TRPC1: variants seen among roughly 807,000 people sequenced by gnomAD.
The protein encoded by TRPC1 is transient receptor potential cation channel subfamily C member 1.
In TRPC1, 42 loss-of-function variants were observed where a neutral mutation model predicts 88.2. The observed-to-expected ratio is 0.48, with a 90% CI of 0.37 to 0.62. The LOEUF (loss-of-function observed/expected upper bound fraction) is 0.62. Among genes scored for constraint, TRPC1 ranks in the 20% least tolerant of loss-of-function variants. The pLI, the probability that TRPC1 is intolerant of heterozygous loss-of-function variation, is 0.00. For synonymous variants in TRPC1, 288 were observed against 331.8 expected (o/e 0.87, Z 1.43); for missense variants, 699 against 957.3 (o/e 0.73, Z 3.56).
chr3:142,799,888 C>T (rs1200793926), intron 9 of TRPC1, among the ~76,000 whole-genome samples: 2 of 152,098 alleles, frequency 1.3e-5, no homozygotes, highest in Non-Finnish European at 2.9e-5. Context: ...ATATTGAACT[C>T]GATTACATTT....
intron 2 of TRPC1, among the ~76,000 whole-genome samples, chr3:142,743,231 C>T (rs1934418747): frequency 6.6e-6 from 1 of 152,012 alleles, no homozygotes; most frequent in Admixed American, 6.5e-5. Flanking sequence ...TCTAATAATC[C>T]CTTCAATGAG....
chr3:142,776,065 A>G lies in TRPC1; in HGVS notation c.633-1567A>G, dbSNP rs947806683. 6.6e-6 allele frequency among the ~76,000 whole-genome samples: 1 copy of G among 152,242 alleles called. No homozygotes were observed. The highest frequency in any genetic ancestry group is 1.5e-5 in the Non-Finnish European group (1 of 68,044). ...TTAGAAGCCACCTAAATGTTCATTA[A>G]TGGAGAGCTTATAGACCTCCGTCCA... On this transcript the variant is annotated intron_variant, in intron 4 of 12. Coordinates refer to ENST00000476941, the MANE Select transcript of TRPC1 (RefSeq NM_001251845.2). This position sits in a 1 kb window ranked among gnomAD's most constrained non-coding sequence, Gnocchi z 4.1.
At chr3:142,775,770 T>A (rs1322830683) in intron 4 of TRPC1, among the ~76,000 whole-genome samples, 1 of 152,154 alleles carries the variant, frequency 6.6e-6, no homozygotes, top group African/African-American at 2.4e-5. Context: ...GGAAGAAGTA[T>A]AAATGAATAT....
At chr3:142,788,430 T>C (rs2108133915) in intron 7 of TRPC1, among the ~76,000 whole-genome samples, 1 of 152,284 alleles carries the variant, frequency 6.6e-6, no homozygotes, top group East Asian at 1.9e-4. Context: ...TAAGCAATAT[T>C]GGTCTTTTGG....
chr3:142,759,143 C>T (rs947507460), intron 4 of TRPC1, among the ~76,000 whole-genome samples: 1 of 152,080 alleles, frequency 6.6e-6, no homozygotes, highest in African/African-American at 2.4e-5. Flanking sequence ...CATAAGTGTG[C>T]ATGTGTCTTT....
chr3:142,775,662 A>T (rs1466380502), intron 4 of TRPC1, among the ~76,000 whole-genome samples: 1 of 152,180 alleles, frequency 6.6e-6, no homozygotes, highest in Non-Finnish European at 1.5e-5. Context: ...CAGTAGGCTA[A>T]TTTCTTTGAT....
At chr3:142,803,138 G>C (rs1401862449) in intron 10 of TRPC1, among the ~76,000 whole-genome samples, 1 of 152,140 alleles carries the variant, frequency 6.6e-6, no homozygotes, top group African/African-American at 2.4e-5. Flanking sequence ...CAGTGGTCAG[G>C]GCTACAAAGA....
Position 142,777,639 on chromosome 3 carries a change from C to G in TRPC1, c.640C>G (p.Leu214Val). Residue 214 changes from leucine (L) to valine (V), a missense_variant, in exon 5 of 13, where the codon CTT (leucine) becomes GTT (valine). Physicochemically the swap from Leu to Val is conservative, Grantham distance 32. Coordinates refer to ENST00000476941, the MANE Select transcript of TRPC1 (RefSeq NM_001251845.2). ...KDSLRHSRFR[L>V]DIYRCLASPA... ...AATCCAATTTTATCACAGGTTTCGT[C>G]TTGATATATATCGATGTTTGGCCAG... 1 of 1,586,810 alleles carries G rather than the reference C, an allele frequency of 6.3e-7. No homozygotes were observed. The highest frequency in any genetic ancestry group is 8.6e-7 in the Non-Finnish European group (1 of 1,165,428).
At chr3:142,745,584 C>G (rs1200963925) in intron 3 of TRPC1, among the ~76,000 whole-genome samples, 1 of 151,854 alleles carries the variant, frequency 6.6e-6, no homozygotes, top group South Asian at 2.1e-4. Context: ...GTGGAGGTTG[C>G]AGTGAGCTGA....
intron 7 of TRPC1, 28 bp from the exon 8 acceptor site, chr3:142,790,991 T>C: frequency 6.5e-7 from 1 of 1,532,436 alleles, no homozygotes; most frequent in Non-Finnish European, 8.7e-7. Flanking sequence ...AAGAAAGTGT[T>C]ATCTGATTTT....
At position 142,807,012 on chromosome 3, in the gene TRPC1, T is replaced by G. The variant is rs994833778; in HGVS notation, c.*777T>G. On this transcript the variant is annotated 3_prime_UTR_variant, in exon 13 of 13. Transcript: ENST00000476941. Reference sequence around the variant, plus strand: ...GATGTTTTATTTTTTAGCTATTCAGTTATGTTTATAAGTTTGCATAGCTAC... The same window carrying G: ...GATGTTTTATTTTTTAGCTATTCAGGTATGTTTATAAGTTTGCATAGCTAC... 2 of 152,146 alleles carry G rather than the reference T, an allele frequency of 1.3e-5. No homozygotes were observed. The highest frequency in any genetic ancestry group is 4.8e-5 in the African/African-American group (2 of 41,458). The allele number at this position is 152,146 out of a possible 1,614,324, so 9.4% of individuals were successfully genotyped here. A position where few individuals can be genotyped will look rare whatever the true frequency, so the allele number is the denominator to read the frequency against.
intron 10 of TRPC1, among the ~76,000 whole-genome samples, chr3:142,803,756 C>G (rs1288917192): frequency 6.6e-6 from 1 of 152,146 alleles, no homozygotes; most frequent in Non-Finnish European, 1.5e-5. Flanking sequence ...AGAAAGGCAG[C>G]AAGGGGTTAA....
rs1319611279 is a variant in TRPC1 at position 142,763,979 on chromosome 3, TATATACACATACATACATAC to T, written c.633-13647_633-13628del. On this transcript the variant is annotated intron_variant, in intron 4 of 12. Transcript: ENST00000476941. ...AAAGAAATATATATATATATATATA[TATATACACATACATACATAC>T]ATATATATATATATATAACAAATTA... 4.6e-3 allele frequency among the ~76,000 whole-genome samples: 316 copies of T among 68,686 alleles called. 20 individuals carry two copies. The highest frequency in any genetic ancestry group is 0.04 in the African/African-American group (297 of 7,468). 45.1% of individuals were successfully genotyped at this position (68,686 alleles called of 152,430 possible).
intron 4 of TRPC1, 47 bp from the exon 5 acceptor site, chr3:142,777,585 T>C (rs953540000): frequency 5.4e-6 from 7 of 1,302,802 alleles, no homozygotes; most frequent in Non-Finnish European, 7.2e-6. Flanking sequence ...ATACGAATTA[T>C]ATGTGTATAA....
intron 7 of TRPC1, among the ~76,000 whole-genome samples, chr3:142,786,493 A>C (rs1936137239): frequency 6.6e-6 from 1 of 152,160 alleles, no homozygotes. Flanking sequence ...TACACATCTA[A>C]ACTCTAGGTT....
chr3:142,785,942 A>G (rs1412888244), intron 7 of TRPC1, among the ~76,000 whole-genome samples: 4 of 152,206 alleles, frequency 2.6e-5, no homozygotes, highest in Non-Finnish European at 5.9e-5. Flanking sequence ...TAGAAATGAT[A>G]GTTTTTTAAA....
Position 142,748,400 on chromosome 3 carries a change from T to A in TRPC1, c.572T>A (p.Val191Asp). 1.2e-6 allele frequency: 2 copies of A among 1,614,144 alleles called. No individual in the cohort carries two copies. Among genetic ancestry groups the A allele is most frequent in the Non-Finnish European group, 1.7e-6 (2 of 1,179,996 alleles). The change falls in exon 4 of 13, where the codon GTT becomes GAT. Residue 191 changes from valine to aspartate, a missense_variant. Val to Asp is a radical substitution (Grantham distance 152, BLOSUM62 -3). Transcript: ENST00000476941. ...QDVSLPKPHAVGCECTLCSAK... is the reference protein window; with the variant it reads ...QDVSLPKPHADGCECTLCSAK... ...GTATCTCTACCCAAGCCCCATGCAG[T>A]TGGCTGTGAATGCACATTGTGTTCT... is the stretch of plus-strand genomic sequence containing the variant.
At chr3:142,799,106 T>C (rs898940633) in intron 9 of TRPC1, among the ~76,000 whole-genome samples, 18 of 152,180 alleles carry the variant, frequency 1.2e-4, no homozygotes, top group African/African-American at 4.1e-4. Flanking sequence ...TTTCACTACA[T>C]TAATAGCATT....
At chr3:142,735,057 C>A (rs1245523513) in intron 1 of TRPC1, among the ~76,000 whole-genome samples, 3 of 152,072 alleles carry the variant, frequency 2.0e-5, no homozygotes, top group African/African-American at 7.2e-5. Context: ...ATAAGGTTTT[C>A]CCAGGGAGCA....
Sources: gnomAD v4.1 joint callset for allele counts (sites outside exome capture counted in the v4.1 genomes callset) on GRCh38, gnomAD v4.1.1 for gene constraint, Gnocchi (gnomAD v3.1) non-coding constraint, MANE v1.5 for transcripts, NCBI Gene and HGNC (gene_info 2026-07-23, HGNC 2026-07-21) for gene names.